Variants in KCNQ4 observed in about 807,000 individuals in gnomAD.
The protein encoded by KCNQ4 is potassium voltage-gated channel subfamily Q member 4.
In KCNQ4, 31 loss-of-function variants were observed where a neutral mutation model predicts 72.6. The ratio of observed to expected loss-of-function variants is 0.43; its 90% CI spans 0.32 to 0.58. The LOEUF (loss-of-function observed/expected upper bound fraction) is 0.58. Ranked by LOEUF, KCNQ4 falls within the 20% of genes least tolerant of loss-of-function variation. The pLI is 0.08. For missense variants in KCNQ4, 869 were observed against 962.6 expected (o/e 0.90, Z 1.29); for synonymous variants, 405 against 403.7 (o/e 1.00, Z -0.04).
At chr1:40,816,519 G>A (rs1346059406) in intron 1 of KCNQ4, among the ~76,000 whole-genome samples, 1 of 152,136 alleles carries the variant, frequency 6.6e-6, no homozygotes, top group African/African-American at 2.4e-5. Flanking sequence ...TTTCCTCGTG[G>A]TGCACTGGGG....
At chr1:40,786,652 C>T (rs918696423) in intron 1 of KCNQ4, among the ~76,000 whole-genome samples, 5 of 152,240 alleles carry the variant, frequency 3.3e-5, no homozygotes, top group East Asian at 1.9e-4. Flanking sequence ...TGCTCTGTGA[C>T]GTTGGGTTGA....
intron 1 of KCNQ4, among the ~76,000 whole-genome samples, chr1:40,798,045 C>A (rs889807846): frequency 6.6e-6 from 1 of 152,066 alleles, no homozygotes; most frequent in South Asian, 2.1e-4. Context: ...GACACCCTGG[C>A]GAAGGGGCAG....
intron 1 of KCNQ4, among the ~76,000 whole-genome samples, chr1:40,791,907 C>G (rs562980504): frequency 3.4e-4 from 52 of 152,212 alleles, no homozygotes; most frequent in African/African-American, 1.2e-3. Context: ...CTTGGAGCCC[C>G]CTGTCTAGCC....
Position 40,839,058 on chromosome 1 carries a change from A to G in KCNQ4, c.*535A>G, listed in dbSNP as rs1648900201. The G allele has an allele frequency of 5.9e-6, 1 of 168,388 alleles. No homozygotes were observed. The highest frequency in any genetic ancestry group is 2.4e-5 in the African/African-American group (1 of 41,798). 10.4% of individuals were successfully genotyped at this position (168,388 alleles called of 1,614,324 possible). Reference sequence around the variant, plus strand: ...ATATGCAAACCATGTTAAATATGCAACTTTGGGGACCCCCATGGGGTCTCT... The same window carrying G: ...ATATGCAAACCATGTTAAATATGCAGCTTTGGGGACCCCCATGGGGTCTCT... On this transcript the variant is annotated 3_prime_UTR_variant, in exon 14 of 14. Transcript: ENST00000347132.
rs1343402866 is a variant in KCNQ4, at chr1:40,784,890, C to T, written c.314+483C>T. ...CCCTCAGGGGTGCTCCTCTCCAGGGCGGCCCTCATTCCTACCCCTGCCCAG... is the reference window on the plus strand; with the variant it reads ...CCCTCAGGGGTGCTCCTCTCCAGGGTGGCCCTCATTCCTACCCCTGCCCAG... On this transcript the variant is annotated intron_variant, in intron 1 of 13. Transcript: ENST00000347132. The surrounding 1 kb of genome is among the most constrained non-coding windows in gnomAD (Gnocchi z 4.1). Among the ~76,000 whole-genome samples, 2 of 152,198 alleles carry T rather than the reference C, an allele frequency of 1.3e-5. No homozygotes were observed. The highest frequency in any genetic ancestry group is 2.4e-5 in the African/African-American group (1 of 41,464).
intron 1 of KCNQ4, among the ~76,000 whole-genome samples, chr1:40,806,883 G>A (rs887121599): frequency 6.6e-6 from 1 of 152,182 alleles, no homozygotes; most frequent in Non-Finnish European, 1.5e-5. Flanking sequence ...CCCAACCTAT[G>A]GGTGGGCCCT....
intron 1 of KCNQ4, among the ~76,000 whole-genome samples, chr1:40,815,626 C>T (rs1648063431): frequency 6.6e-6 from 1 of 152,198 alleles, no homozygotes. Context: ...ATAAGCTCTT[C>T]TCGAACTCAT....
chr1:40,834,826 A>C (rs1332785651), intron 11 of KCNQ4, 141 bp from the exon 12 acceptor site: 44 of 1,084,578 alleles, frequency 4.1e-5, no homozygotes, highest in Non-Finnish European at 6.0e-5. Context: ...GGAGGCTGGG[A>C]GACGCAGCAG....
intron 12 of KCNQ4, among the ~76,000 whole-genome samples, chr1:40,837,204 C>T (rs761054692): frequency 2.0e-5 from 3 of 152,024 alleles, no homozygotes; most frequent in Admixed American, 6.5e-5. Flanking sequence ...CTTCCTGCCT[C>T]AGCCTCCTAA....
intron 1 of KCNQ4, among the ~76,000 whole-genome samples, chr1:40,813,521 A>G (rs1647990043): frequency 6.6e-6 from 1 of 152,106 alleles, no homozygotes; most frequent in Admixed American, 6.6e-5. Flanking sequence ...TGAGATGGGT[A>G]GGCTGGAGGT....
chr1:40,787,851 C>G (rs1228703300), intron 1 of KCNQ4, among the ~76,000 whole-genome samples: 1 of 152,228 alleles, frequency 6.6e-6, no homozygotes, highest in Admixed American at 6.5e-5. Context: ...TCAAAGGCCA[C>G]TCCAGCTTCC....
chr1:40,786,110 G>A (rs1570795441), intron 1 of KCNQ4, among the ~76,000 whole-genome samples: 3 of 152,238 alleles, frequency 2.0e-5, no homozygotes, highest in African/African-American at 7.2e-5. Context: ...TGAGGGGATG[G>A]GGACTACTTC....
intron 12 of KCNQ4, among the ~76,000 whole-genome samples, chr1:40,837,052 C>A (rs1032614609): frequency 6.6e-6 from 1 of 151,636 alleles, no homozygotes; most frequent in Non-Finnish European, 1.5e-5. Flanking sequence ...CATCCTCTTT[C>A]CCCTTTTCCC....
intron 9 of KCNQ4, among the ~76,000 whole-genome samples, chr1:40,827,384 A>T (rs898331355): frequency 2.0e-5 from 3 of 152,202 alleles, no homozygotes; most frequent in Non-Finnish European, 4.4e-5. Flanking sequence ...CAGGGAGGGC[A>T]TTCCAGGCAG....
At chr1:40,819,782 C>T in intron 5 of KCNQ4, 93 bp from the exon 6 acceptor site, 2 of 1,067,478 alleles carry the variant, frequency 1.9e-6, no homozygotes, top group Non-Finnish European at 2.9e-6. Flanking sequence ...GGGGCCCCTT[C>T]CCTCATGATC....
rs1648128909 is a variant in KCNQ4 at position 40,817,468 on chromosome 1, G to T, written c.405+113G>T. On this transcript the variant is annotated intron_variant, in intron 2 of 13. Coordinates refer to ENST00000347132, the MANE Select transcript of KCNQ4 (RefSeq NM_004700.4). This position sits in a 1 kb window ranked among gnomAD's most constrained non-coding sequence, Gnocchi z 5.5. ...GTAGCACCTCTGGGCTGGGAGTCCGGGACTGAAGGGGGCTGTGTGAGGTAG... is the reference window on the plus strand; with the variant it reads ...GTAGCACCTCTGGGCTGGGAGTCCGTGACTGAAGGGGGCTGTGTGAGGTAG... 1 of 699,180 alleles carries T rather than the reference G, an allele frequency of 1.4e-6. No homozygotes were observed. Among genetic ancestry groups the T allele is most frequent in the African/African-American group, 1.8e-5 (1 of 54,366 alleles). 43.3% of individuals were successfully genotyped at this position (699,180 alleles called of 1,614,324 possible).
At chr1:40,830,693 C>G (rs947121184) in intron 9 of KCNQ4, among the ~76,000 whole-genome samples, 1 of 152,154 alleles carries the variant, frequency 6.6e-6, no homozygotes, top group Non-Finnish European at 1.5e-5. Context: ...AGCAGCCTGT[C>G]TGTGCCCAAA....
chr1:40,831,728 T>G (rs1648656416), intron 10 of KCNQ4, among the ~76,000 whole-genome samples: 1 of 152,220 alleles, frequency 6.6e-6, no homozygotes, highest in Non-Finnish European at 1.5e-5. Flanking sequence ...AGAAGACTTT[T>G]GGGAATATAG....
intron 6 of KCNQ4, 77 bp downstream of exon 6, chr1:40,820,062 G>T: frequency 6.5e-7 from 1 of 1,538,106 alleles, no homozygotes; most frequent in Non-Finnish European, 9.0e-7. Flanking sequence ...TTTGCCTGGG[G>T]AGCCTGGGGT....
Sources: allele counts gnomAD v4.1 joint callset (sites outside exome capture counted in the v4.1 genomes callset), GRCh38; gene constraint gnomAD v4.1.1; non-coding constraint Gnocchi (gnomAD v3.1); transcripts MANE v1.5; gene names NCBI Gene and HGNC (gene_info 2026-07-23, HGNC 2026-07-21).